Variants in TMEM150C observed in about 807,000 individuals in gnomAD.
The protein encoded by TMEM150C is transmembrane protein 150C, also known as tentonin 3.
TMEM150C carries 10 observed loss-of-function variants against 29.9 expected under a neutral mutation model. The ratio of observed to expected loss-of-function variants is 0.33; its 90% CI spans 0.21 to 0.57. TMEM150C has a LOEUF of 0.57. Among genes scored for constraint, TMEM150C ranks in the 20% least tolerant of loss-of-function variants. The pLI is 0.88. For synonymous variants in TMEM150C, 101 were observed against 112.5 expected, an observed-to-expected ratio of 0.90 and a Z score of 0.64; for missense variants, 251 against 303.6, an observed-to-expected ratio of 0.83 and a Z score of 1.29.
At chr4:82,525,446 G>A (rs908553867) in intron 1 of TMEM150C, among the ~76,000 whole-genome samples, 4 of 152,164 alleles carry the variant, frequency 2.6e-5, no homozygotes, top group Admixed American at 1.3e-4. Flanking sequence ...TCTAATTAAC[G>A]ATGGGAGGTG....
intron 6 of TMEM150C, 150 bp downstream of exon 6, chr4:82,495,918 G>A: frequency 1.0e-6 from 1 of 959,288 alleles, no homozygotes; most frequent in South Asian, 1.8e-5. Flanking sequence ...ACAGCTCCGA[G>A]TTGCCATGGA....
Position 82,483,788 on chromosome 4 carries a change from C to CTTTTTTT in TMEM150C, c.*1716_*1722dup, listed in dbSNP as rs202051449. On this transcript the variant is annotated 3_prime_UTR_variant, in exon 8 of 8. Coordinates refer to ENST00000449862, the MANE Select transcript of TMEM150C (RefSeq NM_001080506.3). Reference sequence around the variant, plus strand: ...TTGGGTTGAATTAAAAAACGTTTTTCTTTTTTTCTTTTTTTTTTGAGATGG... The same window carrying CTTTTTTT: ...TTGGGTTGAATTAAAAAACGTTTTTCTTTTTTTTTTTTTTCTTTTTTTTTTGAGATGG... 1 of 138,088 alleles carries CTTTTTTT rather than the reference C, an allele frequency of 7.2e-6. No individual in the cohort carries two copies. Among genetic ancestry groups the CTTTTTTT allele is most frequent in the African/African-American group, 2.8e-5 (1 of 35,646 alleles). The allele number at this position is 138,088 out of a possible 1,614,324, so 8.6% of individuals were successfully genotyped here. A position where few individuals can be genotyped will look rare whatever the true frequency, so the allele number is the denominator to read the frequency against.
intron 1 of TMEM150C, among the ~76,000 whole-genome samples, chr4:82,521,148 G>T (rs1247079390): frequency 6.6e-6 from 1 of 152,124 alleles, no homozygotes; most frequent in Non-Finnish European, 1.5e-5. Flanking sequence ...GCATCCCATT[G>T]AAAATCCCCT....
intron 1 of TMEM150C, among the ~76,000 whole-genome samples, chr4:82,525,198 G>A (rs1724613958): frequency 6.6e-6 from 1 of 152,196 alleles, no homozygotes; most frequent in Non-Finnish European, 1.5e-5. Context: ...ACTTTAAAAT[G>A]TACTCTGCTA....
At chr4:82,556,776 A>T (rs557602467) in intron 1 of TMEM150C, among the ~76,000 whole-genome samples, 3 of 152,356 alleles carry the variant, frequency 2.0e-5, no homozygotes, top group South Asian at 2.1e-4. Context: ...CTCCAAAAAA[A>T]AATAATAAAA....
intron 6 of TMEM150C, among the ~76,000 whole-genome samples, chr4:82,493,282 T>C (rs2110064301): frequency 6.6e-6 from 1 of 152,172 alleles, no homozygotes; most frequent in African/African-American, 2.4e-5. Context: ...TTCAAAATTA[T>C]TTAAAATAAT....
chr4:82,490,156 G>C lies in TMEM150C; in HGVS notation c.446C>G (p.Ala149Gly). The change falls in exon 7 of 8, where the codon GCG becomes GGG. Residue 149 changes from alanine (A) to glycine (G), a missense_variant. Coordinates refer to ENST00000449862, the MANE Select transcript of TMEM150C (RefSeq NM_001080506.3). Reference protein sequence around the residue: ...FGTLTCWIQAALTLKVNIKNE... With the variant: ...FGTLTCWIQAGLTLKVNIKNE... ...CTTGATGTTGACCTTGAGTGTCAGC[G>C]CAGCCTGGATCCAGCAGGTCAATGT... 6.2e-7 allele frequency: 1 copy of C among 1,613,928 alleles called. No homozygotes were observed. The highest frequency in any genetic ancestry group is 8.5e-7 in the Non-Finnish European group (1 of 1,179,852).
chr4:82,494,182 A>G (rs1723463194), intron 6 of TMEM150C, among the ~76,000 whole-genome samples: 1 of 152,158 alleles, frequency 6.6e-6, no homozygotes, highest in African/African-American at 2.4e-5. Flanking sequence ...GCCCTCAAGG[A>G]GGAAGTTTCT....
chr4:82,493,161 C>G (rs1372199355), intron 6 of TMEM150C, among the ~76,000 whole-genome samples: 1 of 151,572 alleles, frequency 6.6e-6, no homozygotes, highest in East Asian at 1.9e-4. Context: ...AGGGTTGCAT[C>G]AAATCAATGT....
rs751772010 is a variant in TMEM150C, at chr4:82,550,789, C to CA, written c.-11+11116dup. ...TGGGCGACAGAGCGAGACTCCGTCT[C>CA]AAAAAAAAAAAAAGAAAGAAAGAAA... On this transcript the variant is annotated intron_variant, in intron 1 of 7. Transcript: ENST00000449862. Among the ~76,000 whole-genome samples, 846 of 111,948 alleles carry CA rather than the reference C, an allele frequency of 7.6e-3. 8 individuals carry two copies. The highest frequency in any genetic ancestry group is 0.014 in the Admixed American group (144 of 10,496). The allele number at this position is 111,948 out of a possible 152,430, so 73.4% of individuals were successfully genotyped here. A position where few individuals can be genotyped will look rare whatever the true frequency, so the allele number is the denominator to read the frequency against.
At chr4:82,491,296 TCTC>T in intron 6 of TMEM150C, 1 of 679,302 alleles carries the variant, frequency 1.5e-6, no homozygotes, top group Non-Finnish European at 2.7e-6. Context: ...TTCTGCTTCT[TCTC>T]TTGCTTTGTC....
chr4:82,537,024 C>T (rs1725033609), intron 1 of TMEM150C, among the ~76,000 whole-genome samples: 1 of 152,200 alleles, frequency 6.6e-6, no homozygotes, highest in Non-Finnish European at 1.5e-5. Flanking sequence ...CTCTGCCGCC[C>T]AGGCTGGAGT....
chr4:82,502,972 T>C (rs755004887), intron 3 of TMEM150C, 45 bp from the exon 4 acceptor site: 6 of 1,594,004 alleles, frequency 3.8e-6, no homozygotes, highest in Non-Finnish European at 5.1e-6. Context: ...GTTAAAGCAC[T>C]GTCATTTGTG....
intron 1 of TMEM150C, among the ~76,000 whole-genome samples, chr4:82,548,080 T>C (rs748787937): frequency 7.2e-5 from 11 of 152,212 alleles, no homozygotes; most frequent in Non-Finnish European, 1.5e-4. Flanking sequence ...GAGGCCATTA[T>C]CCTCAGTGAA....
chr4:82,497,685 T>C (rs1723601549), intron 5 of TMEM150C, among the ~76,000 whole-genome samples: 1 of 152,212 alleles, frequency 6.6e-6, no homozygotes, highest in Non-Finnish European at 1.5e-5. Flanking sequence ...ATCAGAAAAT[T>C]AATACATTAT....
At chr4:82,499,653 G>A (rs528429395) in intron 5 of TMEM150C, among the ~76,000 whole-genome samples, 1 of 148,064 alleles carries the variant, frequency 6.8e-6, no homozygotes, top group East Asian at 2.0e-4. Context: ...AACCTGGGAA[G>A]CGGAAGTTGT....
intron 1 of TMEM150C, among the ~76,000 whole-genome samples, chr4:82,554,779 C>A (rs1725689172): frequency 6.6e-6 from 1 of 152,126 alleles, no homozygotes; most frequent in Non-Finnish European, 1.5e-5. Context: ...AGCATAGTTA[C>A]TTCTTAAGCT....
intron 1 of TMEM150C, among the ~76,000 whole-genome samples, chr4:82,520,997 A>G (rs533029558): frequency 3.3e-5 from 5 of 152,234 alleles, no homozygotes; most frequent in East Asian, 1.9e-4. Flanking sequence ...GTCTCCTTGC[A>G]TTACTTGAAC....
chr4:82,547,570 C>G (rs779860656), intron 1 of TMEM150C, among the ~76,000 whole-genome samples: 8 of 151,192 alleles, frequency 5.3e-5, no homozygotes, highest in Non-Finnish European at 1.0e-4. Context: ...ACCTGGGCAT[C>G]GCAGCAAGAC....
Sources: allele counts gnomAD v4.1 joint callset (sites outside exome capture counted in the v4.1 genomes callset), GRCh38; gene constraint gnomAD v4.1.1; transcripts MANE v1.5; gene names NCBI Gene and HGNC (gene_info 2026-07-23, HGNC 2026-07-21).